TTLL13: variants seen among roughly 807,000 people sequenced by gnomAD.
TTLL13 encodes the protein tubulin tyrosine ligase like 13, also known as tubulin polyglutamylase TTLL13.
the TTLL13 span, chr15:90,250,678 T>C: frequency 1.2e-6 from 2 of 1,614,062 alleles, no homozygotes; most frequent in Non-Finnish European, 1.7e-6. Flanking sequence ...AAGACTATGT[T>C]GAGGAAAAGG....
the TTLL13 span, chr15:90,259,131 G>C: frequency 2.4e-6 from 3 of 1,245,090 alleles, no homozygotes; most frequent in East Asian, 6.4e-5. Flanking sequence ...GGGAGGCTGA[G>C]GCAGGAGGAT....
At chr15:90,255,414 A>G in the TTLL13 span, among the ~76,000 whole-genome samples, 1 of 152,054 alleles carries the variant, frequency 6.6e-6, no homozygotes. Flanking sequence ...GCTTTGTGCT[A>G]TCATGCATTA....
the TTLL13 span, chr15:90,265,221 T>C: frequency 1.5e-6 from 2 of 1,342,708 alleles, no homozygotes; most frequent in South Asian, 3.3e-5. Context: ...TCATCAAGCC[T>C]TAGCCTGGGT....
the TTLL13 span, chr15:90,253,462 G>C: frequency 1.3e-5 from 10 of 794,074 alleles, no homozygotes; most frequent in Non-Finnish European, 2.0e-5. Flanking sequence ...GCTACTCTTT[G>C]TGGCTGTCCC....
the TTLL13 span, chr15:90,257,485 T>A: frequency 4.2e-6 from 4 of 954,380 alleles, no homozygotes; most frequent in East Asian, 1.0e-4. Context: ...CACACACTCT[T>A]CCCCAGGATC....
the TTLL13 span, among the ~76,000 whole-genome samples, chr15:90,264,516 G>A: frequency 7.9e-5 from 12 of 152,136 alleles, no homozygotes; most frequent in Non-Finnish European, 1.2e-4. Context: ...AGAAATGGCA[G>A]AAATACAGTC....
chr15:90,258,170 CT>C, the TTLL13 span: 1 of 1,614,262 alleles, frequency 6.2e-7, no homozygotes, highest in East Asian at 2.2e-5. Context: ...ACTACCGAAC[CT>C]GTTTTCCCCA....
chr15:90,253,328 T>G, the TTLL13 span: 1 of 1,613,548 alleles, frequency 6.2e-7, no homozygotes, highest in Non-Finnish European at 8.5e-7. Flanking sequence ...CAGACTGCGC[T>G]GTCTCACTGG....
the TTLL13 span, among the ~76,000 whole-genome samples, chr15:90,256,563 TTC>T: frequency 9.9e-5 from 4 of 40,524 alleles, no homozygotes; most frequent in Admixed American, 2.9e-4. Flanking sequence ...CTTTCTTTCT[TTC>T]TTTCTTTCTT....
At chr15:90,262,913 G>T in the TTLL13 span, 1 of 1,505,104 alleles carries the variant, frequency 6.6e-7, no homozygotes. Context: ...CCTGGGTGAT[G>T]GTTTGGGACT....
chr15:90,253,007 A>G, the TTLL13 span, among the ~76,000 whole-genome samples: 1 of 152,136 alleles, frequency 6.6e-6, no homozygotes, highest in Admixed American at 6.6e-5. Flanking sequence ...TAAAAAACAA[A>G]CAAACAAACA....
the TTLL13 span, chr15:90,256,204 C>T: frequency 6.2e-7 from 1 of 1,614,212 alleles, no homozygotes; most frequent in East Asian, 2.2e-5. Flanking sequence ...GCAAGCCAGA[C>T]AGTGGCTGTC....
At chr15:90,257,729 C>A in the TTLL13 span, 2 of 1,613,278 alleles carry the variant, frequency 1.2e-6, no homozygotes, top group Non-Finnish European at 1.7e-6. Flanking sequence ...AGAGGTACTC[C>A]CTACTCTGTT....
At chr15:90,257,829 T>G in the TTLL13 span, 1 of 1,158,680 alleles carries the variant, frequency 8.6e-7, no homozygotes, top group Middle Eastern at 2.6e-4. Context: ...CCAGGGAAAC[T>G]CAGCCTTTAT....
the TTLL13 span, chr15:90,264,759 T>C: frequency 6.5e-7 from 1 of 1,535,758 alleles, no homozygotes; most frequent in Admixed American, 2.0e-5. Flanking sequence ...ATAAACCGAG[T>C]CCTGGCAGGA....
the TTLL13 span, chr15:90,264,829 A>G: frequency 4.6e-6 from 7 of 1,535,966 alleles, no homozygotes; most frequent in Admixed American, 2.0e-5. Context: ...AAAGAGTGGC[A>G]TCTGACTCAT....
At chr15:90,255,747 T>C in the TTLL13 span, 2 of 1,614,062 alleles carry the variant, frequency 1.2e-6, no homozygotes, top group Non-Finnish European at 1.7e-6. Context: ...TAACTGGCTG[T>C]GTTTCAGAAA....
At chr15:90,262,968 G>A in the TTLL13 span, 1 of 1,535,430 alleles carries the variant, frequency 6.5e-7, no homozygotes, top group Non-Finnish European at 8.7e-7. Flanking sequence ...CCTTGTAGCT[G>A]CTGCCGGGAC....
the TTLL13 span, chr15:90,263,463 A>G: frequency 2.1e-6 from 1 of 485,024 alleles, no homozygotes; most frequent in Non-Finnish European, 3.6e-6. Flanking sequence ...CACCACCCTC[A>G]GTGGCTTCTG....
Sources: allele counts gnomAD v4.1 joint callset (sites outside exome capture counted in the v4.1 genomes callset), GRCh38; gene constraint gnomAD v4.1.1; transcripts MANE v1.5; gene names NCBI Gene and HGNC (gene_info 2026-07-23, HGNC 2026-07-21).